YIPF4: variants seen among roughly 807,000 people sequenced by gnomAD.
YIPF4 encodes the protein Yip1 domain family member 4.
Under a neutral mutation model 29.4 loss-of-function variants are expected in YIPF4, and 18 were observed. The ratio of observed to expected loss-of-function variants is 0.61; its 90% CI spans 0.42 to 0.91. The LOEUF is 0.91. YIPF4 is among the 40% of genes least tolerant of loss of function. YIPF4 has a pLI of 0.00. For missense variants in YIPF4, 279 were observed against 282.7 expected (o/e 0.99, Z 0.09); for synonymous variants, 115 against 104.7 (o/e 1.10, Z -0.60).
chr2:32,302,366 T>A (rs1328986774), intron 5 of YIPF4, among the ~76,000 whole-genome samples: 7 of 152,162 alleles, frequency 4.6e-5, no homozygotes, highest in Non-Finnish European at 8.8e-5. Flanking sequence ...AAAATTTATT[T>A]TCTGTATTTA....
Position 32,298,245 on chromosome 2 carries a change from G to T in YIPF4, c.417G>T (p.Trp139Cys). The change falls in exon 4 of 6, where the codon TGG becomes TGT. Residue 139 changes from tryptophan to cysteine, a missense_variant. By Grantham distance (215) the Trp-to-Cys change is radical (BLOSUM62 -2). Coordinates refer to ENST00000238831, the MANE Select transcript of YIPF4 (RefSeq NM_032312.4). ...TTTTTCCCCCTAAGGTGGTCTCATG[G>T]ATTATAACCATTTGGATATTTGGTT... is the stretch of plus-strand genomic sequence containing the variant. The part of the protein sequence containing the change: ...SLYGQFRVVS[W>C]IITIWIFGSL... 6.2e-7 allele frequency: 1 copy of T among 1,609,260 alleles called. No homozygotes were observed. The highest frequency in any genetic ancestry group is 8.5e-7 in the Non-Finnish European group (1 of 1,177,006).
At chr2:32,298,163 G>T in intron 3 of YIPF4, 71 bp from the exon 4 acceptor site, 2 of 1,216,050 alleles carry the variant, frequency 1.6e-6, no homozygotes, top group South Asian at 2.5e-5. Flanking sequence ...TTATGGCAGA[G>T]AATCGAGTTC....
At chr2:32,284,727 G>T (rs528543251) in intron 1 of YIPF4, among the ~76,000 whole-genome samples, 1 of 152,268 alleles carries the variant, frequency 6.6e-6, no homozygotes, top group Admixed American at 6.5e-5. Context: ...GTATATCTGA[G>T]AACTGAAGAA....
Position 32,310,205 on chromosome 2 carries a change from T to C in YIPF4, c.*4579T>C, listed in dbSNP as rs930004933. On this transcript the variant is annotated 3_prime_UTR_variant, in exon 6 of 6. Transcript: ENST00000238831. The stretch of plus-strand genomic sequence containing the variant: ...CTATTTTTAAATTTCCCTTTAAAAA[T>C]TGAATTACAGCCAGGCATGGTGGCT... 3 of 152,146 alleles carry C rather than the reference T, an allele frequency of 2.0e-5. No homozygotes were observed. Among genetic ancestry groups the C allele is most frequent in the African/African-American group, 4.8e-5 (2 of 41,434 alleles). The allele number at this position is 152,146 out of a possible 1,614,324, so 9.4% of individuals were successfully genotyped here.
chr2:32,308,283 G>A lies in YIPF4; in HGVS notation c.*2657G>A, dbSNP rs2031638419. 1 of 151,752 alleles carries A rather than the reference G, an allele frequency of 6.6e-6. No individual in the cohort carries two copies. The highest frequency in any genetic ancestry group is 2.4e-5 in the African/African-American group (1 of 41,352). 9.4% of individuals were successfully genotyped at this position (151,752 alleles called of 1,614,324 possible). Reference sequence around the variant, plus strand: ...CACCACCATGCCTGGCTAATTTTTTGTATTTTTAGTAGAGATGGGGTTTCA... The same window carrying A: ...CACCACCATGCCTGGCTAATTTTTTATATTTTTAGTAGAGATGGGGTTTCA... On this transcript the variant is annotated 3_prime_UTR_variant, in exon 6 of 6. Coordinates refer to ENST00000238831, the MANE Select transcript of YIPF4 (RefSeq NM_032312.4).
rs1430781632 is a variant in YIPF4 at position 32,305,534 on chromosome 2, G to T, written c.643G>T (p.Val215Leu). The T allele has an allele frequency of 6.2e-7, 1 of 1,610,904 alleles. No individual in the cohort carries two copies. The highest frequency in any genetic ancestry group is 8.5e-7 in the Non-Finnish European group (1 of 1,178,630). The change falls in exon 6 of 6, where the codon GTG becomes TTG. Residue 215 changes from valine (V) to leucine (L), a missense_variant. Coordinates refer to ENST00000238831, the MANE Select transcript of YIPF4 (RefSeq NM_032312.4). ...TGCCTACAGTGCTGCTTCATTGTTA[G>T]TGGGTGAAGAATTCAAGACCAAAAA... is the stretch of plus-strand genomic sequence containing the variant. ...WAAYSAASLLVGEEFKTKKPL... is the reference protein window; with the variant it reads ...WAAYSAASLLLGEEFKTKKPL...
intron 1 of YIPF4, among the ~76,000 whole-genome samples, chr2:32,280,942 T>G (rs1274348023): frequency 6.6e-6 from 1 of 152,228 alleles, no homozygotes; most frequent in African/African-American, 2.4e-5. Flanking sequence ...TTCAAACTCA[T>G]GTTTCCATGT....
At chr2:32,300,155 A>C (rs983467742) in intron 4 of YIPF4, among the ~76,000 whole-genome samples, 7 of 152,098 alleles carry the variant, frequency 4.6e-5, no homozygotes, top group African/African-American at 1.7e-4. Context: ...AATCCCAGCT[A>C]CTCGGGAAGC....
At chr2:32,293,337 C>G (rs1202766438) in intron 3 of YIPF4, among the ~76,000 whole-genome samples, 1 of 152,152 alleles carries the variant, frequency 6.6e-6, no homozygotes, top group African/African-American at 2.4e-5. Flanking sequence ...CAAAGCACAT[C>G]TTGCACCGCC....
chr2:32,298,299 T>C lies in YIPF4; in HGVS notation c.471T>C (p.Val157=). 1 of 1,609,354 alleles carries C rather than the reference T, an allele frequency of 6.2e-7. No individual in the cohort carries two copies. Among genetic ancestry groups the C allele is most frequent in the Non-Finnish European group, 8.5e-7 (1 of 1,176,698 alleles). The change falls in exon 4 of 6, where the codon GTT becomes GTC. Residue 157 remains valine (V), a synonymous_variant. Transcript: ENST00000238831. ...TAACAATTTTCTTACTGGCCAGAGTTCTTGGTGGAGAAGTAAGTAGTTTAT... is the reference window on the plus strand; with the variant it reads ...TAACAATTTTCTTACTGGCCAGAGTCCTTGGTGGAGAAGTAAGTAGTTTAT... The part of the protein sequence containing the change: ...GSLTIFLLAR[V]LGGEVAYGQV...
rs201032645 is a variant in YIPF4, at chr2:32,298,286, T to C, written c.458T>C (p.Leu153Ser). 8.3e-5 allele frequency: 133 copies of C among 1,610,786 alleles called. No individual in the cohort carries two copies. The Admixed American group carries it at 2.0e-3, about 24-fold the overall frequency. The stretch of plus-strand genomic sequence containing the variant: ...ATATTTGGTTCACTAACAATTTTCT[T>C]ACTGGCCAGAGTTCTTGGTGGAGAA... ...IWIFGSLTIFLLARVLGGEVA... is the reference protein window; with the variant it reads ...IWIFGSLTIFSLARVLGGEVA... The change falls in exon 4 of 6, where the codon TTA becomes TCA. Residue 153 changes from leucine (L) to serine (S), a missense_variant. Physicochemically the swap from Leu to Ser is moderately radical, Grantham distance 145. Transcript: ENST00000238831.
chr2:32,305,443 T>G, intron 5 of YIPF4, 46 bp from the exon 6 acceptor site: 1 of 1,424,978 alleles, frequency 7.0e-7, no homozygotes, highest in South Asian at 1.7e-5. Flanking sequence ...AAAAGTTAAT[T>G]GACTTGCTAA....
Position 32,290,578 on chromosome 2 carries a change from G to A in YIPF4, c.175G>A (p.Gly59Ser), listed in dbSNP as rs763952205. ...AGCTACTACATTTCTGAGACAAAGA[G>A]GTTATGGCTGGCTTCTGGAAGTTGA... is the stretch of plus-strand genomic sequence containing the variant. ...STATTFLRQRGYGWLLEVEDD... is the reference protein window; with the variant it reads ...STATTFLRQRSYGWLLEVEDD... The change falls in exon 2 of 6, where the codon GGT becomes AGT. Residue 59 changes from glycine (G) to serine (S), a missense_variant. Coordinates refer to ENST00000238831, the MANE Select transcript of YIPF4 (RefSeq NM_032312.4). 2 of 1,584,516 alleles carry A rather than the reference G, an allele frequency of 1.3e-6. No homozygotes were observed. Among genetic ancestry groups the A allele is most frequent in the African/African-American group, 2.7e-5 (2 of 73,514 alleles).
Position 32,307,010 on chromosome 2 carries a change from A to G in YIPF4, c.*1384A>G, listed in dbSNP as rs2031601804. On this transcript the variant is annotated 3_prime_UTR_variant, in exon 6 of 6. Transcript: ENST00000238831. The stretch of plus-strand genomic sequence containing the variant: ...TTTCCCCTAATCCCAAAAGGAAAGA[A>G]AGAAAAACTTATTTTAAGCTGCAGA... 2 of 837,934 alleles carry G rather than the reference A, an allele frequency of 2.4e-6. No homozygotes were observed. Among genetic ancestry groups the G allele is most frequent in the Admixed American group, 7.7e-5 (2 of 26,078 alleles). 51.9% of individuals were successfully genotyped at this position (837,934 alleles called of 1,614,324 possible). A position where few individuals can be genotyped will look rare whatever the true frequency, so the allele number is the denominator to read the frequency against.
At chr2:32,291,256 C>T (rs1156419463) in intron 2 of YIPF4, among the ~76,000 whole-genome samples, 3 of 152,172 alleles carry the variant, frequency 2.0e-5, no homozygotes, top group African/African-American at 7.2e-5. Context: ...ATATATCGGC[C>T]AGGCATAGTG....
At chr2:32,297,685 TAAAAG>T (rs1454174594) in intron 3 of YIPF4, among the ~76,000 whole-genome samples, 1 of 151,938 alleles carries the variant, frequency 6.6e-6, no homozygotes, top group Non-Finnish European at 1.5e-5. Flanking sequence ...TAATAAATAA[TAAAAG>T]AAACCAGTAT....
intron 2 of YIPF4, among the ~76,000 whole-genome samples, chr2:32,291,255 C>T (rs2030901045): frequency 6.6e-6 from 1 of 152,206 alleles, no homozygotes; most frequent in South Asian, 2.1e-4. Flanking sequence ...CATATATCGG[C>T]CAGGCATAGT....
chr2:32,301,599 G>C (rs569663831), intron 5 of YIPF4, 104 bp downstream of exon 5: 2 of 715,908 alleles, frequency 2.8e-6, no homozygotes, highest in South Asian at 4.8e-5. Flanking sequence ...TTATCAAACA[G>C]TTGGTAGTAT....
chr2:32,301,860 C>T (rs2031416118), intron 5 of YIPF4, among the ~76,000 whole-genome samples: 1 of 151,930 alleles, frequency 6.6e-6, no homozygotes, highest in Non-Finnish European at 1.5e-5. Flanking sequence ...TGTGTGCCAC[C>T]ATGCCTGGCT....
Sources: gnomAD v4.1 joint callset for allele counts (sites outside exome capture counted in the v4.1 genomes callset) on GRCh38, gnomAD v4.1.1 for gene constraint, MANE v1.5 for transcripts, NCBI Gene and HGNC (gene_info 2026-07-23, HGNC 2026-07-21) for gene names.